The following ZNF516 variants were observed in gnomAD, a reference collection of about 807,000 sequenced individuals.
The protein encoded by ZNF516 is zinc finger protein 516.
In ZNF516, 19 loss-of-function variants were observed where a neutral mutation model predicts 79.7. The observed-to-expected ratio is 0.24, with a 90% CI of 0.17 to 0.35. ZNF516 has a LOEUF of 0.35. ZNF516 is among the 10% of genes least tolerant of loss of function. ZNF516 has a pLI of 1.00. For synonymous variants in ZNF516, 877 were observed against 739.5 expected (o/e 1.19, Z -3.02); for missense variants, 1,678 against 1,679.5 (o/e 1.00, Z 0.02).
intron 3 of ZNF516, among the ~76,000 whole-genome samples, chr18:76,420,651 G>A (rs1463875711): frequency 6.6e-6 from 1 of 152,160 alleles, no homozygotes; most frequent in Non-Finnish European, 1.5e-5. Context: ...TCCTGTGGCT[G>A]TAAAAGTTTA....
At position 76,379,962 on chromosome 18, in the gene ZNF516, G is replaced by A. The variant is rs774090688; in HGVS notation, c.2152C>T (p.His718Tyr). The A allele has an allele frequency of 6.2e-7, 1 of 1,613,976 alleles. No homozygotes were observed. Among genetic ancestry groups the A allele is most frequent in the Non-Finnish European group, 8.5e-7 (1 of 1,179,892 alleles). Residue 718 changes from histidine to tyrosine, a missense_variant, in exon 4 of 7, where the codon CAC becomes TAC. Around this residue, in one of 5 missense-constraint regions of ZNF516, gnomAD observed 1,294 missense variants for 1,248.3 expected, o/e 1.04. Coordinates refer to ENST00000443185, the MANE Select transcript of ZNF516 (RefSeq NM_014643.4). ...EKLSDLHNKEHSGGGKRALAP... is the reference protein window; with the variant it reads ...EKLSDLHNKEYSGGGKRALAP... ...AGCGCCCGCTTCCCTCCCCCAGAGT[G>A]TTCCTTGTTGTGCAAATCGGACAGC...
At chr18:76,438,678 T>A (rs1281069731) in intron 3 of ZNF516, among the ~76,000 whole-genome samples, 1 of 152,162 alleles carries the variant, frequency 6.6e-6, no homozygotes, top group Non-Finnish European at 1.5e-5. Context: ...ACGAAACATG[T>A]TCCATAAAAA....
intron 2 of ZNF516, among the ~76,000 whole-genome samples, chr18:76,449,510 G>T (rs1912267075): frequency 1.3e-5 from 2 of 152,238 alleles, no homozygotes; most frequent in Admixed American, 1.3e-4. Flanking sequence ...TTAAAACCCA[G>T]TTCTGCCACT....
chr18:76,370,374 C>T (rs1000444541), intron 6 of ZNF516, among the ~76,000 whole-genome samples, 154 bp downstream of exon 6: 10 of 152,074 alleles, frequency 6.6e-5, no homozygotes, highest in African/African-American at 1.2e-4. Flanking sequence ...CAGACGGCCC[C>T]GAAGGGTCAG....
intron 6 of ZNF516, among the ~76,000 whole-genome samples, chr18:76,366,124 T>C (rs690191): frequency 0.25 from 38,422 of 152,116 alleles, 5,662 homozygotes; most frequent in African/African-American, 0.41. Context: ...TTTATTTCTC[T>C]TCAAGCTTCA....
chr18:76,436,077 T>C (rs1233151839), intron 3 of ZNF516, among the ~76,000 whole-genome samples: 2 of 152,220 alleles, frequency 1.3e-5, no homozygotes, highest in Admixed American at 6.5e-5. Flanking sequence ...TTATGCAAGA[T>C]GAGCCTGGGG....
chr18:76,471,892 C>T (rs114124263), intron 1 of ZNF516, among the ~76,000 whole-genome samples: 3 of 152,170 alleles, frequency 2.0e-5, no homozygotes, highest in Non-Finnish European at 4.4e-5. Context: ...CAGGACATCA[C>T]GCCCACTAGG....
At chr18:76,465,575 A>T (rs550460035) in intron 1 of ZNF516, among the ~76,000 whole-genome samples, 115 of 152,344 alleles carry the variant, frequency 7.5e-4, no homozygotes, top group African/African-American at 2.7e-3. Flanking sequence ...AGACAAAGGC[A>T]GGGCTGGAAA....
In ZNF516 at chr18:76,446,662, C is replaced by T. The variant is rs1243208104; in HGVS notation, c.-157-3451G>A. Reference sequence around the variant, plus strand: ...TTCCTTAAACTCACTTAAAAGCTTTCCCCGAAACTTGCAGAGCCCTGCAAT... The same window carrying T: ...TTCCTTAAACTCACTTAAAAGCTTTTCCCGAAACTTGCAGAGCCCTGCAAT... On this transcript the variant is annotated intron_variant, in intron 2 of 6. Coordinates refer to ENST00000443185, the MANE Select transcript of ZNF516 (RefSeq NM_014643.4). 3.9e-5 allele frequency among the ~76,000 whole-genome samples: 6 copies of T among 152,190 alleles called. No homozygotes were observed. In the South Asian group the frequency reaches 1.2e-3, roughly 31 times the overall value.
In ZNF516 at chr18:76,438,292, T is replaced by C. The variant is rs2075770941; in HGVS notation, c.1810+2953A>G. The stretch of plus-strand genomic sequence containing the variant: ...TTGGCCCATACACTGAAGGTTTGTA[T>C]GTCTCCTTGCAAAGCAATATTCGTT... On this transcript the variant is annotated intron_variant, in intron 3 of 6. Coordinates refer to ENST00000443185, the MANE Select transcript of ZNF516 (RefSeq NM_014643.4). Among the ~76,000 whole-genome samples, 3 of 152,258 alleles carry C rather than the reference T, an allele frequency of 2.0e-5. No homozygotes were observed. In the South Asian group the frequency reaches 6.2e-4, roughly 32 times the overall value.
intron 4 of ZNF516, among the ~76,000 whole-genome samples, chr18:76,376,898 G>A (rs557779650): frequency 6.6e-6 from 1 of 152,276 alleles, no homozygotes; most frequent in African/African-American, 2.4e-5. Context: ...CGGGCCAGGT[G>A]CAGCTGGGAA....
At chr18:76,424,289 T>C (rs1599066184) in intron 3 of ZNF516, among the ~76,000 whole-genome samples, 1 of 12,020 alleles carries the variant, frequency 8.3e-5, no homozygotes. Flanking sequence ...GTGAAAAGGC[T>C]CCCCCGAAAC....
chr18:76,411,245 G>C (rs180707158), intron 3 of ZNF516, among the ~76,000 whole-genome samples: 1 of 152,164 alleles, frequency 6.6e-6, no homozygotes, highest in Non-Finnish European at 1.5e-5. Flanking sequence ...TGTCATTCTG[G>C]ATGAAATGGG....
chr18:76,372,603 C>A (rs1455985901), intron 4 of ZNF516: 2 of 152,192 alleles, frequency 1.3e-5, no homozygotes, highest in Admixed American at 1.3e-4. Context: ...TGAAAACAAA[C>A]CTTCAATATT....
At chr18:76,476,579 C>T (rs1352276860) in intron 1 of ZNF516, among the ~76,000 whole-genome samples, 3 of 152,172 alleles carry the variant, frequency 2.0e-5, no homozygotes, top group Non-Finnish European at 4.4e-5. Flanking sequence ...ATTCTAAGCT[C>T]CAACTTCAGA....
At chr18:76,404,446 CAT>C (rs1196860533) in intron 3 of ZNF516, among the ~76,000 whole-genome samples, 4 of 151,646 alleles carry the variant, frequency 2.6e-5, no homozygotes, top group Non-Finnish European at 4.4e-5. Context: ...TAAGAGTGTG[CAT>C]GTGTGTGAGC....
At chr18:76,488,244 T>C (rs1390625720) in intron 1 of ZNF516, 2 of 985,094 alleles carry the variant, frequency 2.0e-6, no homozygotes, top group African/African-American at 3.5e-5. Flanking sequence ...TCCAAGGCCC[T>C]GTGAGCTAAA....
chr18:76,398,011 T>G (rs1293893789), intron 3 of ZNF516, among the ~76,000 whole-genome samples: 1 of 152,220 alleles, frequency 6.6e-6, no homozygotes, highest in African/African-American at 2.4e-5. Context: ...AATCAACAAC[T>G]TAAAGGTTAA....
At chr18:76,443,676 C>A (rs1911868991) in intron 2 of ZNF516, among the ~76,000 whole-genome samples, 1 of 152,178 alleles carries the variant, frequency 6.6e-6, no homozygotes. Context: ...GACGGCACTT[C>A]ACACACACAG....
Sources: gnomAD v4.1 joint callset for allele counts (sites outside exome capture counted in the v4.1 genomes callset) on GRCh38, gnomAD v4.1.1 for gene constraint, gnomAD v4.1.1 regional missense constraint, MANE v1.5 for transcripts, NCBI Gene and HGNC (gene_info 2026-07-23, HGNC 2026-07-21) for gene names.